The following CLVS1 variants were observed in gnomAD, a reference collection of about 807,000 sequenced individuals.
The protein encoded by CLVS1 is clavesin-1.
Under a neutral mutation model 33.1 loss-of-function variants are expected in CLVS1, and 10 were observed. The observed-to-expected ratio is 0.30, with a 90% confidence interval of 0.19 to 0.51. CLVS1 has a LOEUF of 0.51. Ranked by LOEUF, CLVS1 falls within the 20% of genes least tolerant of loss-of-function variation. The pLI is 0.97. For synonymous variants in CLVS1, 163 were observed against 166.1 expected (o/e 0.98, Z 0.14); for missense variants, 343 against 433.4 (o/e 0.79, Z 1.85).
chr8:61,322,941 A>T (rs1433179567), intron 2 of CLVS1, among the ~76,000 whole-genome samples: 1 of 152,144 alleles, frequency 6.6e-6, no homozygotes. Context: ...TTTTACTGCT[A>T]TGTCTCTTGT....
the CLVS1 span, among the ~76,000 whole-genome samples, chr8:61,010,947 C>T: frequency 6.6e-6 from 1 of 152,238 alleles, no homozygotes; most frequent in Non-Finnish European, 1.5e-5. Flanking sequence ...CAGGGCCCGG[C>T]ACACGTTAGG....
chr8:61,438,823 A>G (rs1375969290), intron 3 of CLVS1, among the ~76,000 whole-genome samples: 1 of 152,182 alleles, frequency 6.6e-6, no homozygotes, highest in Non-Finnish European at 1.5e-5. Flanking sequence ...ATAATATTGC[A>G]ACCTTTATAA....
At chr8:61,088,272 T>C (rs1029149670) in intron 1 of CLVS1, among the ~76,000 whole-genome samples, 2 of 152,112 alleles carry the variant, frequency 1.3e-5, no homozygotes, top group Admixed American at 6.5e-5. Flanking sequence ...GCAGATCACT[T>C]GAGGTCAGGA....
intron 3 of CLVS1, among the ~76,000 whole-genome samples, chr8:61,407,923 C>G (rs1213898894): frequency 6.6e-6 from 1 of 152,158 alleles, no homozygotes; most frequent in Non-Finnish European, 1.5e-5. Flanking sequence ...TACTTATTCA[C>G]TGGATGAGGA....
At chr8:61,108,349 T>A (rs1315061131) in intron 1 of CLVS1, among the ~76,000 whole-genome samples, 1 of 151,930 alleles carries the variant, frequency 6.6e-6, no homozygotes, top group Non-Finnish European at 1.5e-5. Flanking sequence ...ATGAAATGAG[T>A]GATGTTTAAT....
chr8:61,080,884 G>A (rs1446994202), intron 1 of CLVS1, among the ~76,000 whole-genome samples: 2 of 152,208 alleles, frequency 1.3e-5, no homozygotes, highest in African/African-American at 2.4e-5. Flanking sequence ...CTGTAAGGAT[G>A]AGAAAAGATT....
At position 61,138,332 on chromosome 8, in the gene CLVS1, T is replaced by G. The variant is rs116550970; in HGVS notation, c.-152+6472T>G. Among the ~76,000 whole-genome samples, 976 of 152,282 alleles carry G rather than the reference T, an allele frequency of 6.4e-3. 6 individuals are homozygous for G. Among genetic ancestry groups the G allele is most frequent in the African/African-American group, 0.022 (922 of 41,560 alleles). ...AATTACATTGTTCCTCTGTACAGTT[T>G]GAGATAATGTTTGAAGATAAGGCTG... is the stretch of plus-strand genomic sequence containing the variant. On this transcript the variant is annotated intron_variant, in intron 2 of 2. Transcript: ENST00000522621.
chr8:61,328,469 G>T (rs1811466043), intron 2 of CLVS1, among the ~76,000 whole-genome samples: 1 of 152,094 alleles, frequency 6.6e-6, no homozygotes, highest in African/African-American at 2.4e-5. Context: ...AGGTGGGCAG[G>T]CTGCCCTAGC....
chr8:61,415,060 A>G (rs1438297836), intron 3 of CLVS1, among the ~76,000 whole-genome samples: 1 of 152,264 alleles, frequency 6.6e-6, no homozygotes, highest in Non-Finnish European at 1.5e-5. Flanking sequence ...GAGCGATTGC[A>G]ATGCTGCTCT....
At chr8:61,274,809 T>A (rs1400693222) in intron 2 of CLVS1, among the ~76,000 whole-genome samples, 1 of 152,198 alleles carries the variant, frequency 6.6e-6, no homozygotes, top group South Asian at 2.1e-4. Context: ...GATTAACACT[T>A]GTAGTTTCTT....
intron 2 of CLVS1, among the ~76,000 whole-genome samples, chr8:61,132,907 T>C (rs1806126705): frequency 6.6e-6 from 1 of 152,208 alleles, no homozygotes; most frequent in Non-Finnish European, 1.5e-5. Flanking sequence ...CCATCATTGC[T>C]GCTCTGTGCC....
chr8:61,071,940 G>A (rs1056905794), intron 1 of CLVS1, among the ~76,000 whole-genome samples: 1 of 152,160 alleles, frequency 6.6e-6, no homozygotes, highest in Non-Finnish European at 1.5e-5. Flanking sequence ...ATCACACCCT[G>A]CCACTCTTAT....
intron 3 of CLVS1, among the ~76,000 whole-genome samples, chr8:61,395,111 T>A (rs1814469981): frequency 6.6e-6 from 1 of 152,152 alleles, no homozygotes; most frequent in Admixed American, 6.6e-5. Context: ...TAGACACAAA[T>A]GGAATACTAT....
upstream of CLVS1, among the ~76,000 whole-genome samples, chr8:61,283,584 C>T (rs1014173235): frequency 2.0e-5 from 3 of 152,186 alleles, no homozygotes; most frequent in Non-Finnish European, 2.9e-5. Context: ...CTCATGTATA[C>T]ATTTCCCCCA....
chr8:61,074,399 T>TATA (rs1554532067), intron 1 of CLVS1, among the ~76,000 whole-genome samples: 1 of 55,576 alleles, frequency 1.8e-5, no homozygotes, highest in African/African-American at 2.3e-4. Context: ...TATATATATG[T>TATA]TATATATATA....
chr8:61,403,824 C>T (rs988907144), intron 3 of CLVS1, among the ~76,000 whole-genome samples: 3 of 152,038 alleles, frequency 2.0e-5, no homozygotes, highest in East Asian at 1.9e-4. Flanking sequence ...CAGGATTCCA[C>T]GAAAACATGT....
intron 2 of CLVS1, among the ~76,000 whole-genome samples, chr8:61,256,308 A>G (rs760894025): frequency 6.6e-6 from 1 of 152,200 alleles, no homozygotes; most frequent in Non-Finnish European, 1.5e-5. Context: ...ATGTCAGGAG[A>G]TCAAGACCAT....
rs73685059 is a variant in CLVS1, at chr8:61,470,975, G to T, written c.977+12433G>T. On this transcript the variant is annotated intron_variant, in intron 5 of 5. Coordinates refer to ENST00000325897, the MANE Select transcript of CLVS1 (RefSeq NM_173519.3). Reference sequence around the variant, plus strand: ...GTCATGGTGATCAGCACCAACAAGCGCCCTCACTGTGCACTGTGGCTGTTC... The same window carrying T: ...GTCATGGTGATCAGCACCAACAAGCTCCCTCACTGTGCACTGTGGCTGTTC... 7.8e-3 allele frequency among the ~76,000 whole-genome samples: 1,186 copies of T among 152,222 alleles called. 8 individuals carry two copies. Among genetic ancestry groups the T allele is most frequent in the African/African-American group, 0.027 (1,134 of 41,538 alleles).
intron 2 of CLVS1, among the ~76,000 whole-genome samples, chr8:61,303,768 G>A (rs1810517238): frequency 6.6e-6 from 1 of 152,172 alleles, no homozygotes; most frequent in Admixed American, 6.5e-5. Flanking sequence ...TGAGAGTGAT[G>A]TCTATCTAAC....
Sources: allele counts gnomAD v4.1 joint callset (sites outside exome capture counted in the v4.1 genomes callset), GRCh38; gene constraint gnomAD v4.1.1; transcripts MANE v1.5; gene names NCBI Gene and HGNC (gene_info 2026-07-23, HGNC 2026-07-21).